The following MEGF10 variants were observed in gnomAD, a reference collection of about 807,000 sequenced individuals.
MEGF10 encodes multiple EGF like domains 10.
A neutral mutation model predicts 147.5 loss-of-function variants in MEGF10; 86 were observed. That is an observed-to-expected ratio of 0.58 (90% CI 0.49 to 0.70). MEGF10 has a LOEUF of 0.70. Ranked by LOEUF, MEGF10 falls within the 30% of genes least tolerant of loss-of-function variation. MEGF10 has a pLI of 0.00. For synonymous variants in MEGF10, 478 were observed against 525.5 expected (o/e 0.91, Z 1.24); for missense variants, 1,329 against 1,487.3 (o/e 0.89, Z 1.75).
intron 1 of MEGF10, among the ~76,000 whole-genome samples, chr5:127,307,798 C>G (rs1223038143): frequency 6.6e-6 from 1 of 152,202 alleles, no homozygotes; most frequent in Non-Finnish European, 1.5e-5. Context: ...AAATTGTTGG[C>G]TTTAAAAATT....
Position 127,396,640 on chromosome 5 carries a change from G to C in MEGF10, c.521G>C (p.Arg174Pro). The change falls in exon 6 of 25, where the codon CGG (arginine) becomes CCG (proline). Residue 174 changes from arginine to proline, a missense_variant. Physicochemically the swap from Arg to Pro is moderately radical, Grantham distance 103. This residue lies in a region of MEGF10 where 980 missense variants were observed against 1,085.9 expected (regional missense o/e 0.90). Transcript: ENST00000503335. ...TGACHCAAGF[R>P]GWRCEDRCEQ... ...GCTTGCCACTGTGCTGCGGGCTTCC[G>C]GGGCTGGCGCTGCGAGGACCGCTGT... 1 of 1,614,014 alleles carries C rather than the reference G, an allele frequency of 6.2e-7. No individual in the cohort carries two copies. The highest frequency in any genetic ancestry group is 8.5e-7 in the Non-Finnish European group (1 of 1,179,978).
chr5:127,264,094 CT>C, the MEGF10 span, among the ~76,000 whole-genome samples: 2 of 152,080 alleles, frequency 1.3e-5, no homozygotes, highest in African/African-American at 4.8e-5. Context: ...GCCCCTATCC[CT>C]TTTCAATTTA....
chr5:127,287,184 A>G (rs912585557), upstream of MEGF10, among the ~76,000 whole-genome samples: 4 of 152,014 alleles, frequency 2.6e-5, no homozygotes, highest in Non-Finnish European at 5.9e-5. Flanking sequence ...CTAACATCCT[A>G]CTTAATGGTA....
chr5:127,231,774 G>A, the MEGF10 span, among the ~76,000 whole-genome samples: 1 of 152,242 alleles, frequency 6.6e-6, no homozygotes, highest in African/African-American at 2.4e-5. Flanking sequence ...AGCCCAGTAT[G>A]ATATAGGTGT....
chr5:127,329,242 A>G (rs17165054), intron 1 of MEGF10, among the ~76,000 whole-genome samples: 4,157 of 152,272 alleles, frequency 0.027, 192 homozygotes, highest in African/African-American at 0.095. Flanking sequence ...TTAACTATTT[A>G]CGCTTTATCT....
intron 4 of MEGF10, among the ~76,000 whole-genome samples, chr5:127,369,412 C>T (rs1448319729): frequency 1.3e-5 from 2 of 152,118 alleles, no homozygotes; most frequent in Admixed American, 1.3e-4. Flanking sequence ...AGCAATTCTG[C>T]TGTGTCATAG....
At chr5:127,440,902 T>G in intron 18 of MEGF10, 35 bp downstream of exon 18, 1 of 1,603,056 alleles carries the variant, frequency 6.2e-7, no homozygotes, top group South Asian at 1.1e-5. Context: ...TGGGTGGTAT[T>G]TTTTTCCTCT....
chr5:127,411,051 A>C (rs1198717186), intron 9 of MEGF10, among the ~76,000 whole-genome samples: 1 of 152,164 alleles, frequency 6.6e-6, no homozygotes. Context: ...GGCTAGAGAG[A>C]GGAAGTGAAC....
chr5:127,284,144 G>A, the MEGF10 span, among the ~76,000 whole-genome samples: 1 of 152,082 alleles, frequency 6.6e-6, no homozygotes, highest in Non-Finnish European at 1.5e-5. Flanking sequence ...TCAAAAACCT[G>A]GACAAGAGTC....
rs934740168 is a variant in MEGF10, at chr5:127,320,015, G to A, written c.-18-11276G>A. On this transcript the variant is annotated intron_variant, in intron 1 of 24. Transcript: ENST00000503335. ...GCATCATCATCTGTAAAATTAGAGT[G>A]TTGGACCAGCTTTCTGCTAAAGGCT... Among the ~76,000 whole-genome samples, 45 of 152,302 alleles carry A rather than the reference G, an allele frequency of 3.0e-4. 2 individuals are homozygous for A. The highest frequency in any genetic ancestry group is 1.4e-3 in the Admixed American group (21 of 15,292).
At chr5:127,348,115 G>A (rs988904879) in intron 4 of MEGF10, among the ~76,000 whole-genome samples, 6 of 152,158 alleles carry the variant, frequency 3.9e-5, no homozygotes, top group South Asian at 2.1e-4. Flanking sequence ...AGATTTTCAT[G>A]AGGTTTAAAG....
At chr5:127,264,991 A>C in the MEGF10 span, among the ~76,000 whole-genome samples, 2 of 152,020 alleles carry the variant, frequency 1.3e-5, no homozygotes, top group Non-Finnish European at 2.9e-5. Flanking sequence ...ATATGTATAC[A>C]TGTGCCATGT....
At chr5:127,383,397 G>C (rs968579605) in intron 5 of MEGF10, among the ~76,000 whole-genome samples, 1 of 152,108 alleles carries the variant, frequency 6.6e-6, no homozygotes, top group Non-Finnish European at 1.5e-5. Flanking sequence ...GAGCTGAGGA[G>C]TTCAAGGCTG....
intron 9 of MEGF10, among the ~76,000 whole-genome samples, chr5:127,417,160 G>T (rs1764807612): frequency 6.6e-6 from 1 of 152,220 alleles, no homozygotes; most frequent in Admixed American, 6.5e-5. Flanking sequence ...TGCCTGGTGG[G>T]TCAATGCGGC....
the MEGF10 span, among the ~76,000 whole-genome samples, chr5:127,261,327 A>G: frequency 2.0e-5 from 3 of 152,324 alleles, 1 homozygote; most frequent in East Asian, 5.8e-4. Context: ...TGCCTAATCC[A>G]GACATTTCAT....
chr5:127,238,023 T>C, the MEGF10 span, among the ~76,000 whole-genome samples: 1 of 140,380 alleles, frequency 7.1e-6, no homozygotes, highest in East Asian at 2.3e-4. Flanking sequence ...GGGTATAAAC[T>C]TCAGACTATA....
the MEGF10 span, among the ~76,000 whole-genome samples, chr5:127,246,359 G>A: frequency 0.052 from 7,968 of 151,956 alleles, 368 homozygotes; most frequent in African/African-American, 0.12. Context: ...CAGAAACAGA[G>A]AACCAAACAC....
Position 127,394,658 on chromosome 5 carries a change from T to G in MEGF10, c.413-1874T>G, listed in dbSNP as rs528137160. ...AGATCCTAGATTAAAAGAATTACAGTGGAAAAAAGACTCATTGTCCATATC... is the reference window on the plus strand; with the variant it reads ...AGATCCTAGATTAAAAGAATTACAGGGGAAAAAAGACTCATTGTCCATATC... On this transcript the variant is annotated intron_variant, in intron 5 of 24. Transcript: ENST00000503335. 7.2e-5 allele frequency among the ~76,000 whole-genome samples: 11 copies of G among 152,134 alleles called. No homozygotes were observed. The East Asian group carries it at 1.9e-3, about 27-fold the overall frequency.
chr5:127,355,730 C>CA (rs551225923), intron 4 of MEGF10, among the ~76,000 whole-genome samples: 173 of 152,256 alleles, frequency 1.1e-3, no homozygotes, highest in Non-Finnish European at 4.7e-4. Flanking sequence ...TACTGATTGA[C>CA]AATGCTTGCT....
Sources: gnomAD v4.1 joint callset for allele counts (sites outside exome capture counted in the v4.1 genomes callset) on GRCh38, gnomAD v4.1.1 for gene constraint, gnomAD v4.1.1 regional missense constraint, MANE v1.5 for transcripts, NCBI Gene and HGNC (gene_info 2026-07-23, HGNC 2026-07-21) for gene names.